SH3PXD2B: variants seen among roughly 807,000 people sequenced by gnomAD.
SH3PXD2B encodes SH3 and PX domain-containing protein 2B.
Under a neutral mutation model 73.1 loss-of-function variants are expected in SH3PXD2B, and 37 were observed. That is an observed-to-expected ratio of 0.51 (90% confidence interval 0.39 to 0.67). SH3PXD2B has a LOEUF of 0.67. SH3PXD2B is among the 30% of genes least tolerant of loss of function. SH3PXD2B has a pLI of 0.00. For missense variants in SH3PXD2B, 1,053 were observed against 1,197.8 expected, an observed-to-expected ratio of 0.88 and a Z score of 1.78; for synonymous variants, 457 against 480.5, an observed-to-expected ratio of 0.95 and a Z score of 0.64.
rs145767631 is a variant in SH3PXD2B at position 172,350,490 on chromosome 5, C to G, written c.885G>C (p.Pro295=). ...AAACACCATCCAAGTCAAGGGCACCCGGGTGGGAGGGTGAGCCAGGGCCTG... is the reference window on the plus strand; with the variant it reads ...AAACACCATCCAAGTCAAGGGCACCGGGGTGGGAGGGTGAGCCAGGGCCTG... ...PKPGPGSPSH[P]GALDLDGVSR... The change falls in exon 10 of 13, where the codon CCG becomes CCC. Residue 295 remains proline, a synonymous_variant. Coordinates refer to ENST00000311601, the MANE Select transcript of SH3PXD2B (RefSeq NM_001017995.3). The G allele has an allele frequency of 5.6e-6, 9 of 1,612,878 alleles. No individual in the cohort carries two copies. The highest frequency in any genetic ancestry group is 7.6e-6 in the Non-Finnish European group (9 of 1,179,334).
intron 2 of SH3PXD2B, among the ~76,000 whole-genome samples, chr5:172,411,631 G>A (rs1276787357): frequency 6.6e-6 from 1 of 152,166 alleles, no homozygotes. Context: ...GATGAGGGAC[G>A]CAGCCTGCTC....
intron 12 of SH3PXD2B, among the ~76,000 whole-genome samples, chr5:172,328,438 A>T (rs373490467): frequency 6.6e-6 from 1 of 152,038 alleles, no homozygotes; most frequent in Admixed American, 6.6e-5. Context: ...GCCTCAAATG[A>T]TCCTCCTGCC....
intron 6 of SH3PXD2B, among the ~76,000 whole-genome samples, chr5:172,369,923 C>T (rs1036578776): frequency 6.6e-5 from 10 of 151,910 alleles, no homozygotes; most frequent in African/African-American, 1.9e-4. Context: ...ATGGTTTCCA[C>T]CTGGGGACCC....
In SH3PXD2B at chr5:172,335,992, G is replaced by C; in HGVS notation, c.*2377C>G. On this transcript the variant is annotated 3_prime_UTR_variant, in exon 13 of 13. Coordinates refer to ENST00000311601, the MANE Select transcript of SH3PXD2B (RefSeq NM_001017995.3). ...AAAACTTTCTGCCTAGAGGAAGGCAGGGCAAGTCTGCTCCTACCCAGCTGA... is the reference window on the plus strand; with the variant it reads ...AAAACTTTCTGCCTAGAGGAAGGCACGGCAAGTCTGCTCCTACCCAGCTGA... 2.9e-6 allele frequency: 3 copies of C among 1,020,320 alleles called. No individual in the cohort carries two copies. The highest frequency in any genetic ancestry group is 3.5e-6 in the Non-Finnish European group (3 of 853,388). 63.2% of individuals were successfully genotyped at this position (1,020,320 alleles called of 1,614,324 possible).
rs1561894262 is a variant in SH3PXD2B at position 172,345,110 on chromosome 5, A to AGGGAAGGAAGG, written c.1188+1025_1188+1026insCCTTCCTTCCC. On this transcript the variant is annotated intron_variant, in intron 12 of 12. Coordinates refer to ENST00000311601, the MANE Select transcript of SH3PXD2B (RefSeq NM_001017995.3). ...GGAAGGAAAGAAGGAGGGAAGGAAG[A>AGGGAAGGAAGG]AGGGAAGGAAGGAGGGAAGGAAGGA... Among the ~76,000 whole-genome samples, 994 of 140,320 alleles carry AGGGAAGGAAGG rather than the reference A, an allele frequency of 7.1e-3. 21 individuals are homozygous for AGGGAAGGAAGG. The highest frequency in any genetic ancestry group is 0.029 in the African/African-American group (952 of 33,136). The allele number at this position is 140,320 out of a possible 152,430, so 92.1% of individuals were successfully genotyped here.
rs6880739 is a variant in SH3PXD2B at position 172,394,570 on chromosome 5, T to C, written c.302A>G (p.Tyr101Cys). The C allele has an allele frequency of 6.2e-7, 1 of 1,614,136 alleles. No individual in the cohort carries two copies. Among genetic ancestry groups the C allele is most frequent in the Non-Finnish European group, 8.5e-7 (1 of 1,179,994 alleles). ...GGCATTTCTCAGCCTTACCTTACAG[T>C]ATTCATCAATTGGTATCAGGCGTTT... is the stretch of plus-strand genomic sequence containing the variant. Reference protein sequence around the residue: ...AVKRLIPIDEYCKALIQLPPY... With the variant: ...AVKRLIPIDECCKALIQLPPY... The change falls in exon 4 of 13, where the codon TAC becomes TGC. Residue 101 changes from tyrosine (Y) to cysteine (C), a missense_variant. Physicochemically the swap from Tyr to Cys is radical, Grantham distance 194 (BLOSUM62 -2). Transcript: ENST00000311601.
At chr5:172,379,255 GC>G (rs1277841741) in intron 5 of SH3PXD2B, among the ~76,000 whole-genome samples, 2 of 148,316 alleles carry the variant, frequency 1.3e-5, no homozygotes, top group Admixed American at 6.8e-5. Flanking sequence ...GATCGCTTGA[GC>G]CCAGGAGTTT....
At chr5:172,405,654 G>T (rs1396240496) in intron 3 of SH3PXD2B, among the ~76,000 whole-genome samples, 1 of 152,192 alleles carries the variant, frequency 6.6e-6, no homozygotes, top group Non-Finnish European at 1.5e-5. Context: ...TAAGAGCTTG[G>T]CTCAGCTGAC....
chr5:172,360,213 C>A (rs1222848860), intron 7 of SH3PXD2B, among the ~76,000 whole-genome samples: 1 of 152,146 alleles, frequency 6.6e-6, no homozygotes, highest in African/African-American at 2.4e-5. Context: ...AGGAAACTGT[C>A]ATAACACAAT....
At chr5:172,399,157 T>C (rs1054215305) in intron 3 of SH3PXD2B, among the ~76,000 whole-genome samples, 1 of 152,222 alleles carries the variant, frequency 6.6e-6, no homozygotes, top group African/African-American at 2.4e-5. Context: ...TTCACTTGGC[T>C]GATTTTATTG....
rs776205923 is a variant in SH3PXD2B, at chr5:172,350,599, G to C, written c.786-10C>G. The C allele has an allele frequency of 1.9e-6, 3 of 1,597,196 alleles. No individual in the cohort carries two copies. Among genetic ancestry groups the C allele is most frequent in the East Asian group, 4.5e-5 (2 of 44,140 alleles). On this transcript the variant is annotated splice_polypyrimidine_tract_variant and intron_variant, in intron 9 of 12. Coordinates refer to ENST00000311601, the MANE Select transcript of SH3PXD2B (RefSeq NM_001017995.3). ...TTCTTTGCCCTGGTACCTGTGAAGA[G>C]GAGGAAGGATGCTGTCAAACTGCTC...
At chr5:172,325,437 C>G in intron 12 of SH3PXD2B, 2 of 1,189,736 alleles carry the variant, frequency 1.7e-6, no homozygotes, top group Non-Finnish European at 2.4e-6. Flanking sequence ...AAACGAAAGA[C>G]TAACGTGGCC....
At chr5:172,450,756 T>C (rs139678107) in intron 1 of SH3PXD2B, among the ~76,000 whole-genome samples, 12 of 151,856 alleles carry the variant, frequency 7.9e-5, no homozygotes, top group African/African-American at 2.4e-4. Flanking sequence ...GAGCTCTTCT[T>C]CCTCCCCCCA....
chr5:172,453,588 C>G (rs1759851632), intron 1 of SH3PXD2B, among the ~76,000 whole-genome samples: 1 of 152,244 alleles, frequency 6.6e-6, no homozygotes, highest in African/African-American at 2.4e-5. Flanking sequence ...TGCAAAACGA[C>G]GCTACTGTCC....
chr5:172,404,736 C>T (rs1241171801), intron 3 of SH3PXD2B, among the ~76,000 whole-genome samples: 1 of 152,180 alleles, frequency 6.6e-6, no homozygotes, highest in East Asian at 1.9e-4. Context: ...ACAGAATCAT[C>T]ATAACAACTT....
chr5:172,446,888 C>T (rs1413371157), intron 1 of SH3PXD2B, among the ~76,000 whole-genome samples: 3 of 152,196 alleles, frequency 2.0e-5, no homozygotes, highest in Non-Finnish European at 2.9e-5. Flanking sequence ...GACCTTCCCT[C>T]GTGGTATTTT....
chr5:172,386,880 G>A (rs1427017551), intron 4 of SH3PXD2B, among the ~76,000 whole-genome samples: 4 of 152,140 alleles, frequency 2.6e-5, no homozygotes, highest in Admixed American at 6.6e-5. Flanking sequence ...CACCTGCCTC[G>A]GCCTTCCAAA....
intron 1 of SH3PXD2B, among the ~76,000 whole-genome samples, chr5:172,432,946 T>C (rs1759287108): frequency 6.9e-6 from 1 of 145,580 alleles, no homozygotes; most frequent in Non-Finnish European, 1.5e-5. Context: ...GGGGAAGAAT[T>C]GACTGTACCA....
rs535406192 is a variant in SH3PXD2B at position 172,410,648 on chromosome 5, G to T, written c.157-4296C>A. ...AAAAAAATTGGCTGAACCAATGAACGCAACTGAGCAAACGCTTTGGGAGGC... is the reference window on the plus strand; with the variant it reads ...AAAAAAATTGGCTGAACCAATGAACTCAACTGAGCAAACGCTTTGGGAGGC... On this transcript the variant is annotated intron_variant, in intron 2 of 12. Coordinates refer to ENST00000311601, the MANE Select transcript of SH3PXD2B (RefSeq NM_001017995.3). Among the ~76,000 whole-genome samples, 37 of 152,220 alleles carry T rather than the reference G, an allele frequency of 2.4e-4. No individual in the cohort carries two copies. The East Asian group carries it at 6.4e-3, about 26-fold the overall frequency.
Sources: allele counts gnomAD v4.1 joint callset (sites outside exome capture counted in the v4.1 genomes callset), GRCh38; gene constraint gnomAD v4.1.1; transcripts MANE v1.5; gene names NCBI Gene and HGNC (gene_info 2026-07-23, HGNC 2026-07-21).